SCRG1: variants seen among roughly 807,000 people sequenced by gnomAD.
The protein encoded by SCRG1 is stimulator of chondrogenesis 1, also known as scrapie-responsive protein 1.
A neutral mutation model predicts 7.7 loss-of-function variants in SCRG1; 3 were observed. The observed-to-expected ratio is 0.39, with a 90% confidence interval of 0.18 to 1.01. The LOEUF (loss-of-function observed/expected upper bound fraction) is 1.01. Ranked by LOEUF, SCRG1 falls within the 50% of genes least tolerant of loss-of-function variation. The pLI, the probability that SCRG1 is intolerant of heterozygous loss-of-function variation, is 0.36. For missense variants in SCRG1, 110 were observed against 117.2 expected (o/e 0.94, Z 0.28); for synonymous variants, 46 against 41.2 (o/e 1.12, Z -0.44).
the SCRG1 span, among the ~76,000 whole-genome samples, chr4:173,414,826 C>G: frequency 2.0e-5 from 3 of 152,170 alleles, no homozygotes; most frequent in African/African-American, 7.2e-5. Flanking sequence ...TTCAAGCACT[C>G]TCTCTTAGTT....
At chr4:173,514,371 T>A in the SCRG1 span, among the ~76,000 whole-genome samples, 3 of 152,186 alleles carry the variant, frequency 2.0e-5, no homozygotes, top group Non-Finnish European at 2.9e-5. Flanking sequence ...AAAATTGACT[T>A]CTTTTGTTGT....
the SCRG1 span, among the ~76,000 whole-genome samples, chr4:173,492,044 C>T: frequency 2.6e-5 from 4 of 151,930 alleles, no homozygotes; most frequent in Non-Finnish European, 4.4e-5. Context: ...GCAGGAGGAT[C>T]GCTTGAGCCT....
chr4:173,498,998 C>T, the SCRG1 span, among the ~76,000 whole-genome samples: 12 of 152,142 alleles, frequency 7.9e-5, no homozygotes, highest in African/African-American at 2.9e-4. Flanking sequence ...GCTTCCTTCC[C>T]CCACCAGCAT....
the SCRG1 span, among the ~76,000 whole-genome samples, chr4:173,483,776 G>T: frequency 6.6e-3 from 173 of 26,186 alleles, 49 homozygotes; most frequent in African/African-American, 0.027. Flanking sequence ...TATGATATAT[G>T]ATATATCATA....
the SCRG1 span, among the ~76,000 whole-genome samples, chr4:173,412,132 A>G: frequency 6.6e-6 from 1 of 152,074 alleles, no homozygotes; most frequent in East Asian, 1.9e-4. Context: ...GTCCAGATGC[A>G]CCAGTCCCAA....
chr4:173,429,196 G>A, the SCRG1 span, among the ~76,000 whole-genome samples: 3 of 152,130 alleles, frequency 2.0e-5, no homozygotes, highest in African/African-American at 7.2e-5. Flanking sequence ...TTGAGAATGA[G>A]TTGTTCCATT....
the SCRG1 span, among the ~76,000 whole-genome samples, chr4:173,482,456 ACTGT>A: frequency 6.6e-5 from 10 of 152,128 alleles, no homozygotes; most frequent in Non-Finnish European, 1.5e-5. Context: ...ATCTAAACAT[ACTGT>A]CTTTTTTCTT....
At chr4:173,483,812 T>TC in the SCRG1 span, among the ~76,000 whole-genome samples, 22 of 25,454 alleles carry the variant, frequency 8.6e-4, 1 homozygote, top group African/African-American at 1.0e-3. Flanking sequence ...ATATGATATG[T>TC]AATATATATA....
the SCRG1 span, among the ~76,000 whole-genome samples, chr4:173,459,628 T>C: frequency 6.6e-6 from 1 of 152,134 alleles, no homozygotes; most frequent in South Asian, 2.1e-4. Context: ...AAGAAGGAAG[T>C]TTATAGAAAT....
At chr4:173,407,928 T>A (rs1739947836), upstream of SCRG1, among the ~76,000 whole-genome samples, 1 of 152,208 alleles carries the variant, frequency 6.6e-6, no homozygotes, top group Admixed American at 6.5e-5. Flanking sequence ...ATAAAATTGT[T>A]CCTTTATTGC....
chr4:173,430,523 A>G, the SCRG1 span, among the ~76,000 whole-genome samples: 1 of 152,092 alleles, frequency 6.6e-6, no homozygotes, highest in Non-Finnish European at 1.5e-5. Flanking sequence ...GCATGCTGGC[A>G]TATGCCTGTA....
At chr4:173,391,512 A>T in intron 1 of SCRG1, 84 bp from the exon 2 acceptor site, 4 of 1,386,288 alleles carry the variant, frequency 2.9e-6, no homozygotes, top group Non-Finnish European at 3.0e-6. Context: ...TAGCATGCTT[A>T]TAAACCCTTG....
chr4:173,484,041 T>A, the SCRG1 span, among the ~76,000 whole-genome samples: 1 of 65,822 alleles, frequency 1.5e-5, no homozygotes, highest in Admixed American at 2.9e-4. Flanking sequence ...CATATATAAT[T>A]ATAAATATAA....
At chr4:173,432,501 T>A in the SCRG1 span, among the ~76,000 whole-genome samples, 2 of 151,830 alleles carry the variant, frequency 1.3e-5, no homozygotes, top group Non-Finnish European at 2.9e-5. Context: ...TCTCAGTATC[T>A]GTCTTTGTGG....
upstream of SCRG1, among the ~76,000 whole-genome samples, chr4:173,408,661 C>T (rs1739970624): frequency 6.6e-6 from 1 of 152,028 alleles, no homozygotes; most frequent in Non-Finnish European, 1.5e-5. Flanking sequence ...CAATGTCTTT[C>T]CCCTCCCCAT....
rs759360305 is a variant in SCRG1 at position 173,388,364 on chromosome 4, C to T, written c.274G>A (p.Val92Met). The T allele has an allele frequency of 5.0e-6, 8 of 1,611,638 alleles. No homozygotes were observed. Among genetic ancestry groups the T allele is most frequent in the South Asian group, 2.2e-5 (2 of 90,614 alleles). ...DVFFGPKISF[V>M]IPCNNQ ...TCTCATTGATTGTTGCAAGGAATCACGAAAGAGATCTTTGGTCCAAAGAAA... is the reference window on the plus strand; with the variant it reads ...TCTCATTGATTGTTGCAAGGAATCATGAAAGAGATCTTTGGTCCAAAGAAA... The change falls in exon 3 of 3, where the codon GTG (valine) becomes ATG (methionine). Residue 92 changes from valine to methionine, a missense_variant. Coordinates refer to ENST00000296506, the MANE Select transcript of SCRG1 (RefSeq NM_007281.4).
At chr4:173,513,942 G>A in the SCRG1 span, among the ~76,000 whole-genome samples, 1 of 152,188 alleles carries the variant, frequency 6.6e-6, no homozygotes, top group Non-Finnish European at 1.5e-5. Context: ...TTTAAACCAT[G>A]AGAATTACTG....
At chr4:173,498,333 C>G in the SCRG1 span, among the ~76,000 whole-genome samples, 1 of 152,110 alleles carries the variant, frequency 6.6e-6, no homozygotes, top group Non-Finnish European at 1.5e-5. Context: ...CCCAGATATC[C>G]CTGGTCTGAA....
chr4:173,498,736 A>G, the SCRG1 span, among the ~76,000 whole-genome samples: 1,394 of 152,284 alleles, frequency 9.2e-3, 17 homozygotes, highest in African/African-American at 0.031. Flanking sequence ...ATATGTATGT[A>G]TATGTGTGTG....
Sources: gnomAD v4.1 joint callset for allele counts (sites outside exome capture counted in the v4.1 genomes callset) on GRCh38, gnomAD v4.1.1 for gene constraint, MANE v1.5 for transcripts, NCBI Gene and HGNC (gene_info 2026-07-23, HGNC 2026-07-21) for gene names.